Variants in GTF3C1 observed in about 807,000 individuals in gnomAD.
GTF3C1 encodes the protein general transcription factor IIIC subunit 1.
In GTF3C1, 57 loss-of-function variants were observed where a neutral mutation model predicts 226.7. The ratio of observed to expected loss-of-function variants is 0.25; its 90% CI spans 0.20 to 0.31. The LOEUF (loss-of-function observed/expected upper bound fraction) is 0.31, where lower values mean the gene tolerates loss of function less well. Ranked by LOEUF, GTF3C1 falls within the 10% of genes least tolerant of loss-of-function variation. GTF3C1 has a pLI of 1.00. For synonymous variants in GTF3C1, 1,090 were observed against 1,084.8 expected (o/e 1.00, Z -0.09); for missense variants, 2,217 against 2,776.1 (o/e 0.80, Z 4.53).
intron 8 of GTF3C1, 106 bp downstream of exon 8, chr16:27,508,434 A>G: frequency 1.2e-6 from 1 of 863,416 alleles, no homozygotes; most frequent in Non-Finnish European, 1.9e-6. Context: ...TGCCTCCTTG[A>G]CACAGATGTC....
intron 6 of GTF3C1, among the ~76,000 whole-genome samples, chr16:27,521,832 CT>C (rs2088755023): frequency 6.6e-6 from 1 of 152,098 alleles, no homozygotes; most frequent in Non-Finnish European, 1.5e-5. Context: ...TCTTTTTCTG[CT>C]TTTTTTCTGT....
intron 33 of GTF3C1, 121 bp from the exon 34 acceptor site, chr16:27,464,957 C>T (rs2087763472): frequency 6.0e-6 from 5 of 839,862 alleles, no homozygotes; most frequent in South Asian, 5.5e-5. Flanking sequence ...CAGCCCAGGC[C>T]CACGAGGCAG....
intron 7 of GTF3C1, among the ~76,000 whole-genome samples, chr16:27,510,201 C>T (rs547513629): frequency 3.3e-4 from 50 of 152,198 alleles, no homozygotes; most frequent in South Asian, 1.0e-3. Context: ...CTGGCTAACA[C>T]GGTGAAACCC....
chr16:27,545,257 G>T (rs971420575), intron 2 of GTF3C1, 57 bp downstream of exon 2: 3 of 1,249,572 alleles, frequency 2.4e-6, no homozygotes, highest in South Asian at 1.2e-5. Context: ...GATTACAGGC[G>T]TGAGCCACCG....
chr16:27,529,025 T>TA (rs1255252835), intron 5 of GTF3C1, among the ~76,000 whole-genome samples: 1 of 152,146 alleles, frequency 6.6e-6, no homozygotes, highest in African/African-American at 2.4e-5. Flanking sequence ...CTTCATCTGA[T>TA]ACCTTTTCAT....
intron 5 of GTF3C1, among the ~76,000 whole-genome samples, chr16:27,530,141 C>A (rs2088894517): frequency 1.3e-5 from 2 of 152,168 alleles, no homozygotes; most frequent in Non-Finnish European, 1.5e-5. Flanking sequence ...AGACAGGGAG[C>A]AAATGTCTGT....
chr16:27,528,511 T>G, intron 6 of GTF3C1, 87 bp downstream of exon 6: 1 of 1,009,284 alleles, frequency 9.9e-7, no homozygotes, highest in Non-Finnish European at 1.5e-6. Flanking sequence ...CAAGGCAGAA[T>G]GTGATCAGAG....
intron 1 of GTF3C1, among the ~76,000 whole-genome samples, chr16:27,545,997 T>G (rs1488909260): frequency 6.6e-6 from 1 of 152,132 alleles, no homozygotes; most frequent in African/African-American, 2.4e-5. Context: ...TATAGGGGTG[T>G]GCCACCACGC....
chr16:27,493,184 G>A lies in GTF3C1; in HGVS notation c.2876+15C>T. ...TGGACCTGCGACTACTCTGGGTCAG[G>A]TTCAATGGCCTCACCTCTTGTACAG... On this transcript the variant is annotated intron_variant, in intron 17 of 36. Transcript: ENST00000356183. 1 of 1,466,500 alleles carries A rather than the reference G, an allele frequency of 6.8e-7. No homozygotes were observed. Among genetic ancestry groups the A allele is most frequent in the Non-Finnish European group, 9.6e-7 (1 of 1,045,120 alleles). The allele number at this position is 1,466,500 out of a possible 1,614,324, so 90.8% of individuals were successfully genotyped here.
intron 6 of GTF3C1, among the ~76,000 whole-genome samples, chr16:27,517,068 C>T (rs1196966057): frequency 6.6e-6 from 1 of 152,176 alleles, no homozygotes; most frequent in African/African-American, 2.4e-5. Context: ...AGGTGGCTGA[C>T]CTCCCTCAGC....
intron 1 of GTF3C1, among the ~76,000 whole-genome samples, chr16:27,545,980 C>G (rs574884888): frequency 6.6e-6 from 1 of 152,192 alleles, no homozygotes; most frequent in Admixed American, 6.5e-5. Flanking sequence ...TCCCAAGGAG[C>G]TGGGATTATA....
chr16:27,535,970 G>A (rs1030160738), intron 4 of GTF3C1, among the ~76,000 whole-genome samples: 2 of 152,156 alleles, frequency 1.3e-5, no homozygotes, highest in Non-Finnish European at 2.9e-5. Context: ...TGCTGGAAAC[G>A]CTCCCAAGAA....
At chr16:27,465,169 C>G in intron 33 of GTF3C1, 91 bp downstream of exon 33, 1 of 1,179,362 alleles carries the variant, frequency 8.5e-7, no homozygotes, top group South Asian at 1.3e-5. Context: ...GCATGCTATG[C>G]CCCAAATCAA....
chr16:27,501,060 G>T, intron 12 of GTF3C1, 131 bp downstream of exon 12: 2 of 723,492 alleles, frequency 2.8e-6, no homozygotes, highest in Non-Finnish European at 4.6e-6. Flanking sequence ...CCCAAATCAG[G>T]AGGCATAATG....
chr16:27,489,452 G>A (rs2088198346), intron 20 of GTF3C1, 150 bp downstream of exon 20: 2 of 636,992 alleles, frequency 3.1e-6, no homozygotes, highest in Admixed American at 3.0e-5. Flanking sequence ...GCTAAATAAA[G>A]TATGTCTGGA....
chr16:27,548,571 G>A (rs2089203411), intron 1 of GTF3C1, among the ~76,000 whole-genome samples: 1 of 152,066 alleles, frequency 6.6e-6, no homozygotes, highest in Non-Finnish European at 1.5e-5. Context: ...GGCCTGTCTT[G>A]GACATTATTA....
At position 27,461,287 on chromosome 16, in the gene GTF3C1, G is replaced by A. The variant is rs528473551; in HGVS notation, c.*63C>T. 42 of 1,097,234 alleles carry A rather than the reference G, an allele frequency of 3.8e-5. No individual in the cohort carries two copies. The highest frequency in any genetic ancestry group is 1.7e-4 in the Admixed American group (9 of 52,198). 68.0% of individuals were successfully genotyped at this position (1,097,234 alleles called of 1,614,324 possible). A position where few individuals can be genotyped will look rare whatever the true frequency, so the allele number is the denominator to read the frequency against. Reference sequence around the variant, plus strand: ...AGGCCAGGGCACAGTGGGGTCTGCCGAGCACCAGGCAGGAGTGGTGTGGCA... The same window carrying A: ...AGGCCAGGGCACAGTGGGGTCTGCCAAGCACCAGGCAGGAGTGGTGTGGCA... On this transcript the variant is annotated 3_prime_UTR_variant, in exon 37 of 37. Coordinates refer to ENST00000356183, the MANE Select transcript of GTF3C1 (RefSeq NM_001520.4). The surrounding 1 kb of genome is among the most constrained non-coding windows in gnomAD (Gnocchi z 5.3).
intron 12 of GTF3C1, among the ~76,000 whole-genome samples, chr16:27,499,374 G>A (rs1250097403): frequency 6.6e-6 from 1 of 152,210 alleles, no homozygotes; most frequent in Non-Finnish European, 1.5e-5. Flanking sequence ...GAGAGGTGGA[G>A]TGGGGCAGGG....
In GTF3C1 at chr16:27,462,652, G is replaced by T; in HGVS notation, c.5925-166C>A. The T allele has an allele frequency of 1.7e-6, 1 of 599,008 alleles. No individual in the cohort carries two copies. The highest frequency in any genetic ancestry group is 3.0e-6 in the Non-Finnish European group (1 of 337,708). 37.1% of individuals were successfully genotyped at this position (599,008 alleles called of 1,614,324 possible). ...CAAACTCCCTGCTTCTCTCCTGTCT[G>T]GACAGAGGGGCCCTTGACCGCCAGC... On this transcript the variant is annotated intron_variant, in intron 35 of 36. Transcript: ENST00000356183. This position sits in a 1 kb window ranked among gnomAD's most constrained non-coding sequence, Gnocchi z 4.5.
Sources: gnomAD v4.1 joint callset for allele counts (sites outside exome capture counted in the v4.1 genomes callset) on GRCh38, gnomAD v4.1.1 for gene constraint, Gnocchi (gnomAD v3.1) non-coding constraint, MANE v1.5 for transcripts, NCBI Gene and HGNC (gene_info 2026-07-23, HGNC 2026-07-21) for gene names.